UCP3: variants seen among roughly 807,000 people sequenced by gnomAD.
UCP3 encodes putative mitochondrial transporter UCP3.
A neutral mutation model predicts 28.1 loss-of-function variants in UCP3; 24 were observed. That is an observed-to-expected ratio of 0.85 (90% CI 0.62 to 1.20). The LOEUF (loss-of-function observed/expected upper bound fraction) is 1.20. UCP3 is among the 50% of genes most tolerant of loss of function. The pLI is 0.00. For missense variants in UCP3, 397 were observed against 422.2 expected, an observed-to-expected ratio of 0.94 and a Z score of 0.52; for synonymous variants, 184 against 171.2, an observed-to-expected ratio of 1.07 and a Z score of -0.59.
At chr11:74,006,429 GGCT>G (rs1385540066) in intron 2 of UCP3, 50 bp from the exon 3 acceptor site, 2 of 1,471,988 alleles carry the variant, frequency 1.4e-6, no homozygotes, top group Admixed American at 2.3e-5. Context: ...GGCAAGAAGG[GGCT>G]GCGTGCACAG....
rs757686405 is a variant in UCP3, at chr11:74,005,881, C to T, written c.390G>A (p.Ala130=). The T allele has an allele frequency of 3.1e-5, 50 of 1,614,032 alleles. No individual in the cohort carries two copies. The highest frequency in any genetic ancestry group is 1.5e-4 in the Admixed American group (9 of 60,000). The change falls in exon 4 of 7, where the codon GCG becomes GCA. Residue 130 remains alanine, a synonymous_variant. Transcript: ENST00000314032. ...ILAGCTTGAM[A]VTCAQPTDVV... is the part of the protein sequence containing the mutation. Reference sequence around the variant, plus strand: ...CATCTGTGGGCTGGGCACAGGTCACCGCCATGGCTCCTGTGGTGCAGCCGG... The same window carrying T: ...CATCTGTGGGCTGGGCACAGGTCACTGCCATGGCTCCTGTGGTGCAGCCGG...
intron 1 of UCP3, among the ~76,000 whole-genome samples, chr11:74,007,624 GTCTC>G (rs1487743228): frequency 1.3e-5 from 2 of 152,090 alleles, no homozygotes; most frequent in Non-Finnish European, 2.9e-5. Context: ...AGAGATGGGG[GTCTC>G]TCTATGTTGC....
intron 5 of UCP3, 104 bp downstream of exon 5, chr11:74,004,380 G>A: frequency 9.5e-7 from 1 of 1,049,364 alleles, no homozygotes; most frequent in Non-Finnish European, 1.4e-6. Context: ...TTCTCTCTCT[G>A]CTCCTTCTAA....
At position 74,001,524 on chromosome 11, in the gene UCP3, A is replaced by T. The variant is rs754562888; in HGVS notation, c.827T>A (p.Phe276Tyr). 2.5e-6 allele frequency: 4 copies of T among 1,614,108 alleles called. No homozygotes were observed. The South Asian group carries it at 4.4e-5, about 18-fold the overall frequency. Residue 276 changes from phenylalanine (F) to tyrosine (Y), a missense_variant and splice_region_variant, in exon 7 of 7, where the codon TTT (phenylalanine) becomes TAT (tyrosine). Physicochemically the swap from Phe to Tyr is conservative, Grantham distance 22. Transcript: ENST00000314032. ...TCCCAAACGCAAAAAGGAGGGTGTA[A>T]ATCTGATAAGAAAAACAACCAACAC... ...QEGPTAFYKGFTPSFLRLGSW... is the reference protein window; with the variant it reads ...QEGPTAFYKGYTPSFLRLGSW...
chr11:74,007,373 C>G (rs1260141483), intron 1 of UCP3: 2 of 352,866 alleles, frequency 5.7e-6, no homozygotes, highest in East Asian at 1.3e-4. Flanking sequence ...ATAGTGGTAC[C>G]TGCACTGTAT....
intron 1 of UCP3, chr11:74,007,430 C>G (rs1024306394): frequency 2.0e-5 from 4 of 196,662 alleles, no homozygotes; most frequent in Non-Finnish European, 3.2e-5. Flanking sequence ...CAATATCAAA[C>G]TGCCTCCTTT....
intron 2 of UCP3, 100 bp from the exon 3 acceptor site, chr11:74,006,479 T>C (rs1274263399): frequency 4.2e-6 from 5 of 1,196,930 alleles, no homozygotes; most frequent in Non-Finnish European, 5.7e-6. Flanking sequence ...GGGCTGGGCC[T>C]GAGAACAACC....
In UCP3 at chr11:74,004,450, G is replaced by A. The variant is rs1468709785; in HGVS notation, c.643+34C>T. The A allele has an allele frequency of 3.7e-6, 6 of 1,606,358 alleles. No homozygotes were observed. In the South Asian group the frequency reaches 5.5e-5, roughly 15 times the overall value. Reference sequence around the variant, plus strand: ...GAGTTCTGGGTTCCCTCCCTGCTGAGGGAGAGCTGCCTGCCTGGAGCCCAG... The same window carrying A: ...GAGTTCTGGGTTCCCTCCCTGCTGAAGGAGAGCTGCCTGCCTGGAGCCCAG... On this transcript the variant is annotated intron_variant, in intron 5 of 6. Coordinates refer to ENST00000314032, the MANE Select transcript of UCP3 (RefSeq NM_003356.4).
chr11:74,007,103 G>C lies in UCP3; in HGVS notation c.-61C>G. 1 of 1,602,006 alleles carries C rather than the reference G, an allele frequency of 6.2e-7. No individual in the cohort carries two copies. The highest frequency in any genetic ancestry group is 8.5e-7 in the Non-Finnish European group (1 of 1,175,766). On this transcript the variant is annotated 5_prime_UTR_variant, in exon 2 of 7. Transcript: ENST00000314032. The stretch of plus-strand genomic sequence containing the variant: ...GAGAGGAGGTCCAAGGAGAGAGGCT[G>C]CTCCACAGCCCTGGGCTTCAGTGCA...
At chr11:74,002,218 C>G (rs1162407320) in intron 6 of UCP3, 1 of 154,112 alleles carries the variant, frequency 6.5e-6, no homozygotes, top group Non-Finnish European at 1.4e-5. Flanking sequence ...ATGCCAGGCC[C>G]TCTTCCCTCC....
At position 74,004,512 on chromosome 11, in the gene UCP3, C is replaced by T. The variant is rs1591235410; in HGVS notation, c.615G>A (p.Glu205=). 3 of 1,614,160 alleles carry T rather than the reference C, an allele frequency of 1.9e-6. No individual in the cohort carries two copies. In the African/African-American group the frequency reaches 4.0e-5, roughly 22 times the overall value. Residue 205 remains glutamate (E), a synonymous_variant, in exon 5 of 7, where the codon GAG becomes GAA. Transcript: ENST00000314032. ...TGAGCAGGTGGTAGTCCAGCAGCTT[C>T]TCCTTGAGGATGTCGTAGGTCACCA... ...AEVVTYDILK[E]KLLDYHLLTD... is the part of the protein sequence containing the mutation.
At chr11:74,002,916 C>T (rs1951631648) in intron 6 of UCP3, 1 of 985,350 alleles carries the variant, frequency 1.0e-6, no homozygotes, top group Non-Finnish European at 1.2e-6. Flanking sequence ...AAGCTAAGAG[C>T]TTACCAGTAG....
rs115593841 is a variant in UCP3 at position 74,008,771 on chromosome 11, C to A, written c.-96+207G>T. ...GAGTGACACGGGTGTTGGGTTCAAGCCCCAGCCCTGCCACAGTACCCTCAT... is the reference window on the plus strand; with the variant it reads ...GAGTGACACGGGTGTTGGGTTCAAGACCCAGCCCTGCCACAGTACCCTCAT... On this transcript the variant is annotated intron_variant, in intron 1 of 6. Coordinates refer to ENST00000314032, the MANE Select transcript of UCP3 (RefSeq NM_003356.4). Among the ~76,000 whole-genome samples, 1,418 of 152,194 alleles carry A rather than the reference C, an allele frequency of 9.3e-3. 20 individuals are homozygous for A. The highest frequency in any genetic ancestry group is 0.033 in the African/African-American group (1,353 of 41,508).
chr11:74,004,016 G>A lies in UCP3; in HGVS notation c.644-9C>T, dbSNP rs761327275. 60 of 1,613,604 alleles carry A rather than the reference G, an allele frequency of 3.7e-5. No individual in the cohort carries two copies. The highest frequency in any genetic ancestry group is 5.0e-5 in the Non-Finnish European group (59 of 1,179,970). On this transcript the variant is annotated splice_polypyrimidine_tract_variant and intron_variant, in intron 5 of 6. Transcript: ENST00000314032. ...GTGGCAGGGGAAGTTGTCTGCAGAGGAAGGACAAGCAAATATCAAGGAGTG... is the reference window on the plus strand; with the variant it reads ...GTGGCAGGGGAAGTTGTCTGCAGAGAAAGGACAAGCAAATATCAAGGAGTG...
chr11:74,005,704 C>A (rs574161323), intron 4 of UCP3, 26 bp downstream of exon 4: 1 of 1,613,216 alleles, frequency 6.2e-7, no homozygotes. Flanking sequence ...TGCCTAAGAC[C>A]GCCTGCGTCC....
rs199939445 is a variant in UCP3, at chr11:74,006,955, C to T, written c.88G>A (p.Val30Ile). ...TTGGCTGTGTCCAGTGGAAAGGTAA[C>T]GAGGTCAGCAAAACAGGCTGCTGTG... is the stretch of plus-strand genomic sequence containing the variant. ...AGTAACFADL[V>I]TFPLDTAKVR... Residue 30 changes from valine to isoleucine, a missense_variant, in exon 2 of 7, where the codon GTT (valine) becomes ATT (isoleucine). Transcript: ENST00000314032. 1.5e-4 allele frequency: 236 copies of T among 1,614,044 alleles called. No individual in the cohort carries two copies. The highest frequency in any genetic ancestry group is 1.9e-4 in the Non-Finnish European group (223 of 1,180,032).
Position 74,007,087 on chromosome 11 carries a change from TC to T in UCP3, c.-46del. On this transcript the variant is annotated 5_prime_UTR_variant, in exon 2 of 7. Transcript: ENST00000314032. Reference sequence around the variant, plus strand: ...CAGTCCCTTTAGGGCCGAGAGGAGGTCCAAGGAGAGAGGCTGCTCCACAGCC... The same window carrying T: ...CAGTCCCTTTAGGGCCGAGAGGAGGTCAAGGAGAGAGGCTGCTCCACAGCC... 1 of 1,609,560 alleles carries T rather than the reference TC, an allele frequency of 6.2e-7. No individual in the cohort carries two copies. The highest frequency in any genetic ancestry group is 8.5e-7 in the Non-Finnish European group (1 of 1,178,886).
chr11:74,006,048 A>T, intron 3 of UCP3, 115 bp from the exon 4 acceptor site: 1 of 1,558,872 alleles, frequency 6.4e-7, no homozygotes, highest in Non-Finnish European at 8.7e-7. Context: ...GAGCCTCCTC[A>T]TAAGCGTCCG....
chr11:74,004,229 C>G (rs752176116), intron 5 of UCP3, among the ~76,000 whole-genome samples: 1 of 152,254 alleles, frequency 6.6e-6, no homozygotes, highest in Non-Finnish European at 1.5e-5. Context: ...AAACTGAAGT[C>G]GGAGAAGGTG....
Sources: gnomAD v4.1 joint callset for allele counts (sites outside exome capture counted in the v4.1 genomes callset) on GRCh38, gnomAD v4.1.1 for gene constraint, MANE v1.5 for transcripts, NCBI Gene and HGNC (gene_info 2026-07-23, HGNC 2026-07-21) for gene names.